Variants in MAP4K4 observed in about 807,000 individuals in gnomAD.
MAP4K4 encodes mitogen-activated protein kinase kinase kinase kinase 4, also known as HPK/GCK-like kinase HGK.
In MAP4K4, 38 loss-of-function variants were observed where a neutral mutation model predicts 189.6. The ratio of observed to expected loss-of-function variants is 0.20; its 90% CI spans 0.15 to 0.26. The LOEUF (loss-of-function observed/expected upper bound fraction) is 0.26, where lower values mean the gene tolerates loss of function less well. Among genes scored for constraint, MAP4K4 ranks in the 10% least tolerant of loss-of-function variants. The probability of loss-of-function intolerance (pLI) is 1.00; values close to 1 mark genes in which losing one functional copy is unlikely to be tolerated. For synonymous variants in MAP4K4, 610 were observed against 624.3 expected (o/e 0.98, Z 0.34); for missense variants, 1,054 against 1,726.9 (o/e 0.61, Z 6.91).
intron 27 of MAP4K4, among the ~76,000 whole-genome samples, chr2:101,877,710 A>G (rs1436405203): frequency 6.6e-6 from 1 of 151,466 alleles, no homozygotes; most frequent in Non-Finnish European, 1.5e-5. Context: ...GGTTTTTATT[A>G]TGTGAATTAA....
intron 2 of MAP4K4, among the ~76,000 whole-genome samples, chr2:101,700,729 CAT>C (rs901305688): frequency 2.0e-5 from 3 of 150,852 alleles, no homozygotes; most frequent in Admixed American, 6.6e-5. Context: ...AGAAAAATGT[CAT>C]ATATTCACTA....
chr2:101,823,219 C>G (rs2096178289), intron 3 of MAP4K4, among the ~76,000 whole-genome samples: 1 of 152,180 alleles, frequency 6.6e-6, no homozygotes, highest in African/African-American at 2.4e-5. Flanking sequence ...ATTCCCCACC[C>G]TGATCTTCTC....
chr2:101,876,245 C>G (rs898093671), intron 26 of MAP4K4, among the ~76,000 whole-genome samples: 5 of 152,108 alleles, frequency 3.3e-5, no homozygotes, highest in African/African-American at 1.2e-4. Flanking sequence ...GAGGCACACT[C>G]ATGCACAGGT....
chr2:101,699,838 G>A (rs1282165052), intron 2 of MAP4K4, among the ~76,000 whole-genome samples: 1 of 152,144 alleles, frequency 6.6e-6, no homozygotes, highest in Non-Finnish European at 1.5e-5. Flanking sequence ...TTCGGGCCGG[G>A]GCCAGATTTT....
chr2:101,877,835 C>T lies in MAP4K4; in HGVS notation c.3385+689C>T, dbSNP rs551096635. Among the ~76,000 whole-genome samples, 36 of 151,750 alleles carry T rather than the reference C, an allele frequency of 2.4e-4. No individual in the cohort carries two copies. The Middle Eastern group carries it at 0.01, about 43-fold the overall frequency. On this transcript the variant is annotated intron_variant, in intron 27 of 32. Coordinates refer to ENST00000324219, the Ensembl canonical transcript of MAP4K4. ...CACAATCTCCGCTCACTGCAAGCTC[C>T]GTCTCCCAGGTTCACACCATTCTCC...
At chr2:101,803,249 G>GA (rs2149012804) in intron 3 of MAP4K4, among the ~76,000 whole-genome samples, 1 of 132,684 alleles carries the variant, frequency 7.5e-6, no homozygotes, top group East Asian at 2.5e-4. Flanking sequence ...ATGATGATGT[G>GA]TGTGTGTGTG....
chr2:101,752,466 C>T (rs1350778436), intron 2 of MAP4K4, among the ~76,000 whole-genome samples: 3 of 152,168 alleles, frequency 2.0e-5, no homozygotes, highest in Admixed American at 6.5e-5. Flanking sequence ...TTATATCCAT[C>T]TGCATTTTCT....
Position 101,702,929 on chromosome 2 carries a change from G to A in MAP4K4, c.123+4391G>A, listed in dbSNP as rs565687905. On this transcript the variant is annotated intron_variant, in intron 2 of 32. Coordinates refer to ENST00000324219, the Ensembl canonical transcript of MAP4K4. ...CCCTCATTTATTGAAGAAAGGGAGG[G>A]GAGAGGTGAGGTGTTTGTGTGTGGC... Among the ~76,000 whole-genome samples, 19 of 152,338 alleles carry A rather than the reference G, an allele frequency of 1.2e-4. No individual in the cohort carries two copies. The South Asian group carries it at 3.3e-3, about 27-fold the overall frequency.
chr2:101,892,908 T>C (rs1191577685), exon 33 of MAP4K4: 2 of 456,328 alleles, frequency 4.4e-6, no homozygotes, highest in Admixed American at 4.7e-5. Flanking sequence ...CTTACTTTCC[T>C]CTTGTCGAGT....
At chr2:101,710,346 C>T (rs1232580613) in intron 2 of MAP4K4, among the ~76,000 whole-genome samples, 4 of 152,162 alleles carry the variant, frequency 2.6e-5, no homozygotes, top group Admixed American at 2.6e-4. Flanking sequence ...TTGTTGCCTT[C>T]CTTGATTCCC....
At chr2:101,705,241 T>C (rs1160605554) in intron 2 of MAP4K4, among the ~76,000 whole-genome samples, 1 of 152,218 alleles carries the variant, frequency 6.6e-6, no homozygotes, top group Non-Finnish European at 1.5e-5. Flanking sequence ...TGCTGGGCCC[T>C]GTTCTGAGAG....
At chr2:101,741,069 T>G (rs938434122) in intron 2 of MAP4K4, among the ~76,000 whole-genome samples, 2 of 152,198 alleles carry the variant, frequency 1.3e-5, no homozygotes, top group Admixed American at 6.5e-5. Context: ...AATTCAACTT[T>G]GATGCTTGAG....
chr2:101,796,235 A>G (rs1339695814), intron 3 of MAP4K4, among the ~76,000 whole-genome samples: 1 of 152,154 alleles, frequency 6.6e-6, no homozygotes, highest in Non-Finnish European at 1.5e-5. Context: ...AAATGTAGCT[A>G]TTGGACCAGC....
At chr2:101,754,873 G>C (rs2071469273) in intron 2 of MAP4K4, among the ~76,000 whole-genome samples, 2 of 152,198 alleles carry the variant, frequency 1.3e-5, no homozygotes, top group Admixed American at 1.3e-4. Context: ...AGGCAAGTGT[G>C]AAGATGAGGG....
rs187267639 is a variant in MAP4K4, at chr2:101,721,000, C to T, written c.123+22462C>T. Among the ~76,000 whole-genome samples, 25 of 152,304 alleles carry T rather than the reference C, an allele frequency of 1.6e-4. No individual in the cohort carries two copies. In the East Asian group the frequency reaches 4.2e-3, roughly 26 times the overall value. On this transcript the variant is annotated intron_variant, in intron 2 of 32. Coordinates refer to ENST00000324219, the Ensembl canonical transcript of MAP4K4. ...AATTTTGTCCTTTCAAAGCACTGTA[C>T]TGTGGCTGAATTGCATTTAGCGCTA...
chr2:101,783,352 C>T (rs1432872020), intron 2 of MAP4K4, among the ~76,000 whole-genome samples: 1 of 152,094 alleles, frequency 6.6e-6, no homozygotes, highest in African/African-American at 2.4e-5. Flanking sequence ...ACCAAACCCC[C>T]AGCTAAGACA....
exon 17 of MAP4K4, chr2:101,863,982 T>C (rs1304408203): frequency 7.3e-7 from 1 of 1,367,576 alleles, no homozygotes; most frequent in African/African-American, 1.5e-5. Flanking sequence ...GCTCTGACTC[T>C]AAGTCAGAGG....
chr2:101,856,174 T>C (rs552073690), intron 13 of MAP4K4, 36 bp downstream of exon 13: 3 of 1,539,314 alleles, frequency 1.9e-6, no homozygotes, highest in South Asian at 1.2e-5. Flanking sequence ...CATACACTTG[T>C]GAAGTTTGTT....
intron 24 of MAP4K4, 134 bp from the exon 25 acceptor site, chr2:101,873,513 T>G (rs1577185782): frequency 1.8e-6 from 1 of 565,758 alleles, no homozygotes; most frequent in East Asian, 3.2e-5. Flanking sequence ...GAGCATTTTT[T>G]GGGGGAATGA....
Sources: gnomAD v4.1 joint callset for allele counts (sites outside exome capture counted in the v4.1 genomes callset) on GRCh38, gnomAD v4.1.1 for gene constraint, MANE v1.5 for transcripts, NCBI Gene and HGNC (gene_info 2026-07-23, HGNC 2026-07-21) for gene names.